The following DLG2 variants were observed in gnomAD, a reference collection of about 807,000 sequenced individuals.
DLG2 encodes disks large homolog 2.
Under a neutral mutation model 132.5 loss-of-function variants are expected in DLG2, and 45 were observed. The observed-to-expected ratio is 0.34, with a 90% confidence interval of 0.27 to 0.44. The LOEUF (loss-of-function observed/expected upper bound fraction) is 0.44, where lower values mean the gene tolerates loss of function less well. Among genes scored for constraint, DLG2 ranks in the 20% least tolerant of loss-of-function variants. DLG2 has a pLI of 1.00. For missense variants in DLG2, 1,045 were observed against 1,196.9 expected, an observed-to-expected ratio of 0.87 and a Z score of 1.87; for synonymous variants, 424 against 419.6, an observed-to-expected ratio of 1.01 and a Z score of -0.13.
intron 6 of DLG2, among the ~76,000 whole-genome samples, chr11:85,046,167 C>T (rs535957794): frequency 1.2e-4 from 19 of 152,090 alleles, no homozygotes; most frequent in African/African-American, 3.6e-4. Context: ...TTTGCAAAAG[C>T]GCAACCTAAT....
chr11:84,521,808 G>T (rs1202395569), intron 7 of DLG2, among the ~76,000 whole-genome samples: 3 of 152,166 alleles, frequency 2.0e-5, no homozygotes, highest in Non-Finnish European at 2.9e-5. Context: ...TTAAAAGCAG[G>T]TAATATGTCT....
intron 19 of DLG2, among the ~76,000 whole-genome samples, chr11:83,618,933 C>A (rs1360002192): frequency 6.6e-6 from 1 of 152,084 alleles, no homozygotes; most frequent in Non-Finnish European, 1.5e-5. Flanking sequence ...TATTATTTTC[C>A]TCTGTTTTTT....
intron 17 of DLG2, among the ~76,000 whole-genome samples, chr11:83,816,192 G>A (rs2048859917): frequency 6.6e-6 from 1 of 152,152 alleles, no homozygotes; most frequent in Non-Finnish European, 1.5e-5. Flanking sequence ...ACAGAAGGAT[G>A]TCTCCTTCCC....
At chr11:84,600,921 T>C (rs1456345729) in intron 6 of DLG2, among the ~76,000 whole-genome samples, 1 of 152,202 alleles carries the variant, frequency 6.6e-6, no homozygotes. Flanking sequence ...ATAATTGCTA[T>C]AGAAGTTCAA....
intron 7 of DLG2, among the ~76,000 whole-genome samples, chr11:84,293,838 C>G (rs532134171): frequency 6.6e-6 from 1 of 152,086 alleles, no homozygotes; most frequent in African/African-American, 2.4e-5. Context: ...ATACTCATAC[C>G]TAATTTAAAA....
chr11:85,492,405 T>C (rs1050244116), intron 3 of DLG2, among the ~76,000 whole-genome samples: 13 of 152,230 alleles, frequency 8.5e-5, no homozygotes, highest in Non-Finnish European at 1.9e-4. Flanking sequence ...ACCACTAATA[T>C]AGAGGAAGCT....
At chr11:84,628,669 T>A (rs1347682299) in intron 6 of DLG2, among the ~76,000 whole-genome samples, 2 of 152,174 alleles carry the variant, frequency 1.3e-5, no homozygotes, top group Non-Finnish European at 2.9e-5. Flanking sequence ...TTGCATGAAT[T>A]TTGAAGAGCC....
At chr11:84,339,007 C>A (rs1478445598) in intron 7 of DLG2, among the ~76,000 whole-genome samples, 1 of 152,108 alleles carries the variant, frequency 6.6e-6, no homozygotes, top group African/African-American at 2.4e-5. Context: ...GATGTCTGCA[C>A]AGACTATAAT....
At chr11:83,517,799 T>A (rs2140285694) in intron 21 of DLG2, among the ~76,000 whole-genome samples, 1 of 152,292 alleles carries the variant, frequency 6.6e-6, no homozygotes, top group Middle Eastern at 3.4e-3. Context: ...CAGACCCTGT[T>A]TGCCTGGGTA....
chr11:85,124,777 C>G (rs1185723874), intron 5 of DLG2, among the ~76,000 whole-genome samples: 1 of 151,852 alleles, frequency 6.6e-6, no homozygotes, highest in African/African-American at 2.4e-5. Flanking sequence ...GTGATGAATT[C>G]TTTTTTGTAC....
chr11:84,537,161 C>T (rs559404474), intron 6 of DLG2, among the ~76,000 whole-genome samples: 1 of 152,224 alleles, frequency 6.6e-6, no homozygotes, highest in African/African-American at 2.4e-5. Flanking sequence ...GGCTGGAGTG[C>T]AGTGGCACGA....
chr11:85,229,770 G>C (rs1343026845), intron 4 of DLG2, among the ~76,000 whole-genome samples: 1 of 152,086 alleles, frequency 6.6e-6, no homozygotes, highest in South Asian at 2.1e-4. Flanking sequence ...ACTGGATAAA[G>C]AATATGTGGC....
intron 7 of DLG2, among the ~76,000 whole-genome samples, chr11:84,405,520 G>A (rs2098845710): frequency 6.6e-6 from 1 of 152,184 alleles, no homozygotes; most frequent in Non-Finnish European, 1.5e-5. Context: ...GACTGCTGGT[G>A]CTTTGATTTC....
chr11:85,281,354 T>C (rs1055647857), intron 4 of DLG2, among the ~76,000 whole-genome samples: 4 of 151,974 alleles, frequency 2.6e-5, no homozygotes, highest in East Asian at 1.9e-4. Context: ...AAAGGAATCA[T>C]TGGGTGGCAC....
chr11:85,448,103 C>G (rs1054674300), intron 3 of DLG2, among the ~76,000 whole-genome samples: 7 of 152,062 alleles, frequency 4.6e-5, no homozygotes, highest in African/African-American at 1.4e-4. Context: ...TAGTTTGACT[C>G]AAATGAAATA....
intron 3 of DLG2, among the ~76,000 whole-genome samples, chr11:85,487,005 C>A (rs772681512): frequency 1.3e-5 from 2 of 150,738 alleles, no homozygotes; most frequent in African/African-American, 4.9e-5. Context: ...CCTAAACCAC[C>A]GAGAAGTTCA....
At chr11:84,685,185 C>T (rs79699217) in intron 6 of DLG2, among the ~76,000 whole-genome samples, 2,401 of 152,300 alleles carry the variant, frequency 0.016, 82 homozygotes, top group African/African-American at 0.054. Context: ...TTTCTGACAA[C>T]CTATCCACCA....
chr11:84,677,008 TC>T (rs1442971691), intron 6 of DLG2, among the ~76,000 whole-genome samples: 3 of 151,936 alleles, frequency 2.0e-5, no homozygotes, highest in African/African-American at 7.2e-5. Context: ...CTGGGACAGA[TC>T]ATGAAGGGCC....
chr11:85,309,164 G>C (rs1170025482), intron 3 of DLG2, among the ~76,000 whole-genome samples: 1 of 152,066 alleles, frequency 6.6e-6, no homozygotes, highest in Non-Finnish European at 1.5e-5. Context: ...TTAGAGACAT[G>C]TACCAGAGCC....
Sources: gnomAD v4.1 joint callset for allele counts (sites outside exome capture counted in the v4.1 genomes callset) on GRCh38, gnomAD v4.1.1 for gene constraint, MANE v1.5 for transcripts, NCBI Gene and HGNC (gene_info 2026-07-23, HGNC 2026-07-21) for gene names.